Variants in SDC2 observed in about 807,000 individuals in gnomAD.
The protein encoded by SDC2 is syndecan 2.
In SDC2, 13 loss-of-function variants were observed where a neutral mutation model predicts 22.2. The ratio of observed to expected loss-of-function variants is 0.59; its 90% confidence interval spans 0.38 to 0.93. SDC2 has a LOEUF of 0.93. Among genes scored for constraint, SDC2 ranks in the 40% least tolerant of loss-of-function variants. The pLI is 0.00. For synonymous variants in SDC2, 94 were observed against 92.8 expected (o/e 1.01, Z -0.07); for missense variants, 235 against 246.8 (o/e 0.95, Z 0.32).
chr8:96,544,571 C>T (rs924488258), intron 1 of SDC2, among the ~76,000 whole-genome samples: 6 of 152,180 alleles, frequency 3.9e-5, no homozygotes, highest in African/African-American at 1.4e-4. Context: ...TGGCCCTTAT[C>T]ATACCCTGCT....
intron 2 of SDC2, among the ~76,000 whole-genome samples, chr8:96,596,737 G>A (rs1042257738): frequency 2.6e-5 from 4 of 152,188 alleles, no homozygotes; most frequent in African/African-American, 4.8e-5. Context: ...CTAAATTGAC[G>A]ATAAAAGAAT....
At chr8:96,534,735 C>T (rs1813724720) in intron 1 of SDC2, among the ~76,000 whole-genome samples, 1 of 152,012 alleles carries the variant, frequency 6.6e-6, no homozygotes, top group Admixed American at 6.6e-5. Flanking sequence ...CTGTGCCTGG[C>T]TGGCCTTTTC....
chr8:96,550,757 T>C (rs1814013649), intron 1 of SDC2, among the ~76,000 whole-genome samples: 1 of 152,188 alleles, frequency 6.6e-6, no homozygotes, highest in African/African-American at 2.4e-5. Flanking sequence ...CATTGTAGAT[T>C]AACTCACAAA....
chr8:96,602,729 C>T (rs1163965080), intron 3 of SDC2, among the ~76,000 whole-genome samples: 1 of 152,214 alleles, frequency 6.6e-6, no homozygotes, highest in Non-Finnish European at 1.5e-5. Flanking sequence ...TTATAAATGG[C>T]TCTTCCTTAC....
chr8:96,535,579 G>C (rs1190056341), intron 1 of SDC2, among the ~76,000 whole-genome samples: 1 of 152,188 alleles, frequency 6.6e-6, no homozygotes, highest in Non-Finnish European at 1.5e-5. Context: ...GTTAATAGGA[G>C]ATTCTGACAA....
intron 1 of SDC2, among the ~76,000 whole-genome samples, chr8:96,581,656 G>A (rs1482133938): frequency 2.0e-5 from 3 of 151,706 alleles, no homozygotes; most frequent in African/African-American, 7.3e-5. Flanking sequence ...AGGTAAAAGA[G>A]TACTATATGA....
intron 1 of SDC2, among the ~76,000 whole-genome samples, chr8:96,531,313 T>G (rs1281991340): frequency 6.6e-6 from 1 of 152,230 alleles, no homozygotes; most frequent in African/African-American, 2.4e-5. Context: ...TACAGTACAT[T>G]AGAACTTTTA....
At chr8:96,569,308 C>T (rs922605112) in intron 1 of SDC2, among the ~76,000 whole-genome samples, 3 of 152,202 alleles carry the variant, frequency 2.0e-5, no homozygotes, top group Non-Finnish European at 4.4e-5. Context: ...CACTCTCAGC[C>T]TCTTCCTTTT....
At chr8:96,506,326 T>C (rs1586269030) in intron 1 of SDC2, among the ~76,000 whole-genome samples, 1 of 152,190 alleles carries the variant, frequency 6.6e-6, no homozygotes, top group Non-Finnish European at 1.5e-5. Context: ...TTTCAACCAG[T>C]CTTGATTCTC....
chr8:96,601,168 C>T (rs1421307250), intron 2 of SDC2, among the ~76,000 whole-genome samples: 1 of 152,134 alleles, frequency 6.6e-6, no homozygotes, highest in Non-Finnish European at 1.5e-5. Context: ...AGTTCTTCTA[C>T]TAGAGGAAGG....
intron 2 of SDC2, among the ~76,000 whole-genome samples, chr8:96,599,966 C>A (rs1476534005): frequency 6.6e-6 from 1 of 152,098 alleles, no homozygotes; most frequent in African/African-American, 2.4e-5. Flanking sequence ...ATAGTTGAGA[C>A]CCCGTCTCAA....
intron 2 of SDC2, among the ~76,000 whole-genome samples, chr8:96,595,284 G>A (rs768321923): frequency 7.2e-5 from 11 of 152,152 alleles, no homozygotes; most frequent in Non-Finnish European, 1.5e-4. Flanking sequence ...TAGAAATCTA[G>A]CCATGTAAGA....
rs1457927850 is a variant in SDC2, at chr8:96,601,471, C to T, written c.173-924C>T. ...CCTGGCCAACATGGTGAAACCCCAT[C>T]TCTACTAAAAATACAAAAAATTAGC... On this transcript the variant is annotated intron_variant, in intron 2 of 4. Coordinates refer to ENST00000302190, the MANE Select transcript of SDC2 (RefSeq NM_002998.4). 2.0e-5 allele frequency among the ~76,000 whole-genome samples: 3 copies of T among 151,906 alleles called. No individual in the cohort carries two copies. The East Asian group carries it at 6.0e-4, about 30-fold the overall frequency.
chr8:96,498,805 C>T (rs1342045911), intron 1 of SDC2, among the ~76,000 whole-genome samples: 2 of 152,204 alleles, frequency 1.3e-5, no homozygotes, highest in Non-Finnish European at 1.5e-5. Flanking sequence ...TCTCTTCCTG[C>T]AGCACTAATC....
chr8:96,538,668 T>C (rs1219897347), intron 1 of SDC2: 1 of 152,264 alleles, frequency 6.6e-6, no homozygotes, highest in Non-Finnish European at 1.5e-5. Context: ...TGGCAACTTC[T>C]TCAGTAACCC....
intron 2 of SDC2, among the ~76,000 whole-genome samples, chr8:96,600,298 C>T (rs560172018): frequency 6.6e-6 from 1 of 152,238 alleles, no homozygotes; most frequent in South Asian, 2.1e-4. Flanking sequence ...AATGTGTTGT[C>T]CGAGGAAGCC....
intron 1 of SDC2, among the ~76,000 whole-genome samples, chr8:96,513,664 T>A (rs569342265): frequency 6.6e-6 from 1 of 152,310 alleles, no homozygotes; most frequent in African/African-American, 2.4e-5. Context: ...CTAATAAGCA[T>A]GAGAAAGATG....
intron 1 of SDC2, among the ~76,000 whole-genome samples, chr8:96,585,650 T>A (rs1301331554): frequency 6.6e-6 from 1 of 152,168 alleles, no homozygotes; most frequent in African/African-American, 2.4e-5. Context: ...TCTGAGATGC[T>A]GTTTTAAATT....
chr8:96,551,706 T>C (rs1370064560), intron 1 of SDC2, among the ~76,000 whole-genome samples: 1 of 152,178 alleles, frequency 6.6e-6, no homozygotes, highest in Admixed American at 6.5e-5. Context: ...TTTATGAGAG[T>C]AGGCAGGTAG....
Sources: gnomAD v4.1 joint callset for allele counts (sites outside exome capture counted in the v4.1 genomes callset) on GRCh38, gnomAD v4.1.1 for gene constraint, MANE v1.5 for transcripts, NCBI Gene and HGNC (gene_info 2026-07-23, HGNC 2026-07-21) for gene names.